The following FER1L6 variants were observed in gnomAD, a reference collection of about 807,000 sequenced individuals.
FER1L6 encodes the protein fer-1-like protein 6.
A neutral mutation model predicts 219.2 loss-of-function variants in FER1L6; 177 were observed. That is an observed-to-expected ratio of 0.81 (90% CI 0.71 to 0.91). FER1L6 has a LOEUF of 0.91. Among genes scored for constraint, FER1L6 ranks in the 40% least tolerant of loss-of-function variants. The pLI, the probability that FER1L6 is intolerant of heterozygous loss-of-function variation, is 0.00. For synonymous variants in FER1L6, 768 were observed against 824.3 expected, an observed-to-expected ratio of 0.93 and a Z score of 1.17; for missense variants, 2,153 against 2,259.9, an observed-to-expected ratio of 0.95 and a Z score of 0.96.
chr8:123,862,526 A>G (rs1451811199), intron 1 of FER1L6, among the ~76,000 whole-genome samples: 4 of 139,564 alleles, frequency 2.9e-5, no homozygotes, highest in South Asian at 2.3e-4. Flanking sequence ...CTCTTTTTCT[A>G]TTGATTGGAA....
chr8:123,904,512 C>T (rs1331163720), intron 1 of FER1L6, among the ~76,000 whole-genome samples: 1 of 152,100 alleles, frequency 6.6e-6, no homozygotes, highest in Non-Finnish European at 1.5e-5. Context: ...AACTTCAACT[C>T]AAAGTCTACC....
At chr8:124,078,706 A>ACACCCTCTT (rs137862524) in intron 32 of FER1L6, among the ~76,000 whole-genome samples, 2 of 151,828 alleles carry the variant, frequency 1.3e-5, no homozygotes, top group Non-Finnish European at 2.9e-5. Context: ...AAGGCATCCC[A>ACACCCTCTT]GGTGGGATGG....
chr8:123,974,229 A>G (rs2130282811), intron 7 of FER1L6, among the ~76,000 whole-genome samples: 1 of 152,296 alleles, frequency 6.6e-6, no homozygotes, highest in South Asian at 2.1e-4. Flanking sequence ...CAGCAGCCTG[A>G]GTGTGAGGCA....
chr8:124,076,152 A>G (rs1452851899), intron 31 of FER1L6, 46 bp from the exon 32 acceptor site: 1 of 1,609,908 alleles, frequency 6.2e-7, no homozygotes. Context: ...TGTACAACCA[A>G]TGTTGAGAGC....
chr8:123,870,338 C>A (rs1404010344), intron 1 of FER1L6, among the ~76,000 whole-genome samples: 1 of 152,142 alleles, frequency 6.6e-6, no homozygotes. Flanking sequence ...CCACAGAAAA[C>A]CCAGCACGTG....
intron 38 of FER1L6, among the ~76,000 whole-genome samples, chr8:124,102,349 T>C (rs918761434): frequency 6.6e-6 from 1 of 152,194 alleles, no homozygotes; most frequent in African/African-American, 2.4e-5. Flanking sequence ...AATTGGAAAG[T>C]TGTACAGGAT....
At chr8:123,981,675 G>A (rs1816332612) in intron 11 of FER1L6, among the ~76,000 whole-genome samples, 1 of 152,128 alleles carries the variant, frequency 6.6e-6, no homozygotes, top group Non-Finnish European at 1.5e-5. Flanking sequence ...TGATTGCTGG[G>A]ACCTAATAAA....
chr8:124,093,891 C>T (rs185277587), intron 34 of FER1L6, among the ~76,000 whole-genome samples: 8 of 151,518 alleles, frequency 5.3e-5, no homozygotes, highest in African/African-American at 1.7e-4. Flanking sequence ...TGTATAATCA[C>T]GATCACACCC....
At chr8:123,954,836 A>G (rs1034668120) in intron 1 of FER1L6, among the ~76,000 whole-genome samples, 5 of 152,172 alleles carry the variant, frequency 3.3e-5, no homozygotes, top group African/African-American at 1.2e-4. Flanking sequence ...CAAGGCCCAC[A>G]GATATTCACT....
Position 124,071,486 on chromosome 8 carries a change from G to T in FER1L6, c.3967-20G>T. On this transcript the variant is annotated intron_variant, in intron 30 of 40. Transcript: ENST00000522917. The stretch of plus-strand genomic sequence containing the variant: ...ACATATGACCATCTCATTTCAATGG[G>T]TTGCGTTTTGTGGTTCCAGGGCTCC... 1 of 1,613,700 alleles carries T rather than the reference G, an allele frequency of 6.2e-7. No individual in the cohort carries two copies. The highest frequency in any genetic ancestry group is 8.5e-7 in the Non-Finnish European group (1 of 1,179,752).
chr8:124,031,237 A>C (rs1395816034), intron 18 of FER1L6, among the ~76,000 whole-genome samples: 1 of 152,160 alleles, frequency 6.6e-6, no homozygotes, highest in Non-Finnish European at 1.5e-5. Context: ...GAGAAAAGGC[A>C]TACAAATTTA....
chr8:123,864,920 G>T (rs1315241987), intron 1 of FER1L6, among the ~76,000 whole-genome samples: 1 of 150,806 alleles, frequency 6.6e-6, no homozygotes, highest in Non-Finnish European at 1.5e-5. Flanking sequence ...TTTGCCTTTG[G>T]TTTGAATGTC....
At chr8:123,973,545 A>C in intron 7 of FER1L6, 33 bp downstream of exon 7, 264 of 1,526,194 alleles carry the variant, frequency 1.7e-4, no homozygotes, top group Non-Finnish European at 2.2e-4. Context: ...TCTGTATCTC[A>C]CTTGTCTTTG....
intron 1 of FER1L6, among the ~76,000 whole-genome samples, chr8:123,902,922 G>T (rs1168995994): frequency 6.6e-6 from 1 of 152,074 alleles, no homozygotes; most frequent in Non-Finnish European, 1.5e-5. Flanking sequence ...CTTTAAAGAG[G>T]TTCTGTTTTG....
chr8:124,045,214 G>A (rs1819673823), intron 20 of FER1L6, among the ~76,000 whole-genome samples: 1 of 152,218 alleles, frequency 6.6e-6, no homozygotes, highest in East Asian at 1.9e-4. Flanking sequence ...ATAAAATGGG[G>A]ATAATATTAG....
chr8:124,080,915 A>T (rs1821516325), intron 32 of FER1L6, among the ~76,000 whole-genome samples: 1 of 152,186 alleles, frequency 6.6e-6, no homozygotes, highest in Admixed American at 6.5e-5. Context: ...TTTCTTTCCC[A>T]CACAACCATA....
At chr8:123,902,966 C>T (rs2129739510) in intron 1 of FER1L6, among the ~76,000 whole-genome samples, 1 of 152,202 alleles carries the variant, frequency 6.6e-6, no homozygotes, top group East Asian at 1.9e-4. Context: ...AGATTTAGAG[C>T]TCTTTTTAGC....
intron 26 of FER1L6, among the ~76,000 whole-genome samples, chr8:124,064,825 T>C (rs1404727145): frequency 6.6e-6 from 1 of 152,198 alleles, no homozygotes; most frequent in Non-Finnish European, 1.5e-5. Flanking sequence ...CGGAAACTCT[T>C]CTTAATTCAT....
chr8:124,018,974 G>C (rs980756267), intron 16 of FER1L6, among the ~76,000 whole-genome samples: 2 of 152,152 alleles, frequency 1.3e-5, no homozygotes, highest in African/African-American at 4.8e-5. Flanking sequence ...TCTAAACTGA[G>C]TTTCTTAGCA....
Sources: allele counts gnomAD v4.1 joint callset (sites outside exome capture counted in the v4.1 genomes callset), GRCh38; gene constraint gnomAD v4.1.1; transcripts MANE v1.5; gene names NCBI Gene and HGNC (gene_info 2026-07-23, HGNC 2026-07-21).